Variants in FREM1 observed in about 807,000 individuals in gnomAD.
FREM1 encodes the protein FRAS1 related extracellular matrix 1, also known as FRAS1-related extracellular matrix protein 1.
Under a neutral mutation model 210.1 loss-of-function variants are expected in FREM1, and 220 were observed. The observed-to-expected ratio is 1.05, with a 90% confidence interval of 0.94 to 1.17. The LOEUF (loss-of-function observed/expected upper bound fraction) is 1.17. Ranked by LOEUF, FREM1 falls within the 50% of genes most tolerant of loss-of-function variation. The probability of loss-of-function intolerance (pLI) is 0.00; values close to 1 mark genes in which losing one functional copy is unlikely to be tolerated. For synonymous variants in FREM1, 1,189 were observed against 980.2 expected, an observed-to-expected ratio of 1.21 and a Z score of -3.98; for missense variants, 3,454 against 2,675.5, an observed-to-expected ratio of 1.29 and a Z score of -6.42.
intron 1 of FREM1, among the ~76,000 whole-genome samples, chr9:14,874,220 C>T (rs914366661): frequency 5.9e-5 from 9 of 151,810 alleles, no homozygotes; most frequent in African/African-American, 2.2e-4. Flanking sequence ...TCCTGGGTAC[C>T]CTTGTTAACT....
chr9:14,858,206 T>C (rs1196730941), intron 4 of FREM1, among the ~76,000 whole-genome samples: 1 of 152,202 alleles, frequency 6.6e-6, no homozygotes, highest in Non-Finnish European at 1.5e-5. Flanking sequence ...CAGGTCCACC[T>C]GGTCTTTTTA....
In FREM1 at chr9:14,823,607, T is replaced by A. The variant is rs151207053; in HGVS notation, c.2170-280A>T. Among the ~76,000 whole-genome samples, 4,603 of 148,996 alleles carry A rather than the reference T, an allele frequency of 0.031. 77 individuals are homozygous for A. The highest frequency in any genetic ancestry group is 0.038 in the Non-Finnish European group (2,525 of 66,440). ...TTAAGACTTCTAGCCTCCAGGACTA[T>A]GAGAAAATAAAGCTCATAGTCCTTT... On this transcript the variant is annotated intron_variant, in intron 12 of 36. Coordinates refer to ENST00000380880, the MANE Select transcript of FREM1 (RefSeq NM_001379081.2).
chr9:14,860,728 C>CGCATATAT (rs1829830297), intron 3 of FREM1, among the ~76,000 whole-genome samples: 2 of 105,858 alleles, frequency 1.9e-5, no homozygotes, highest in African/African-American at 5.0e-5. Context: ...CACATATATA[C>CGCATATAT]ACATATATAC....
chr9:14,860,737 A>ACGCATATATATG (rs1829835593), intron 3 of FREM1, among the ~76,000 whole-genome samples: 1 of 117,316 alleles, frequency 8.5e-6, no homozygotes, highest in African/African-American at 3.6e-5. Context: ...ACACATATAT[A>ACGCATATATATG]CACATATATA....
intron 29 of FREM1, among the ~76,000 whole-genome samples, 165 bp downstream of exon 29, chr9:14,756,209 C>T (rs751703490): frequency 9.2e-5 from 14 of 152,048 alleles, no homozygotes; most frequent in Non-Finnish European, 1.5e-4. Context: ...GGCAAAACCT[C>T]AAATCCAAAC....
At chr9:14,787,834 T>C (rs1850651327) in intron 23 of FREM1, among the ~76,000 whole-genome samples, 2 of 152,176 alleles carry the variant, frequency 1.3e-5, no homozygotes, top group Non-Finnish European at 2.9e-5. Flanking sequence ...ACATAGTTGT[T>C]TTGCAGGGAG....
intron 1 of FREM1, among the ~76,000 whole-genome samples, chr9:14,909,695 C>T (rs994390446): frequency 1.3e-5 from 2 of 152,170 alleles, no homozygotes; most frequent in South Asian, 2.1e-4. Flanking sequence ...ATTTGTGTCA[C>T]GTAATAAAAA....
At chr9:14,864,322 A>G (rs902601450) in intron 2 of FREM1, among the ~76,000 whole-genome samples, 1 of 152,166 alleles carries the variant, frequency 6.6e-6, no homozygotes, top group Non-Finnish European at 1.5e-5. Context: ...ACCCACCCAC[A>G]AACACACTGT....
At chr9:14,855,898 T>C (rs1248558437) in intron 5 of FREM1, among the ~76,000 whole-genome samples, 1 of 152,002 alleles carries the variant, frequency 6.6e-6, no homozygotes, top group Non-Finnish European at 1.5e-5. Flanking sequence ...ATGGATATAA[T>C]AAATCATTAA....
At chr9:14,789,167 C>A (rs764361021) in intron 22 of FREM1, 53 bp from the exon 23 acceptor site, 39 of 1,259,304 alleles carry the variant, frequency 3.1e-5, no homozygotes, top group Non-Finnish European at 4.0e-5. Flanking sequence ...TTTCCCCCAA[C>A]GTACGTTAGT....
At chr9:14,793,623 T>C (rs528839163) in intron 21 of FREM1, among the ~76,000 whole-genome samples, 2 of 152,266 alleles carry the variant, frequency 1.3e-5, no homozygotes, top group South Asian at 4.2e-4. Flanking sequence ...GAGAAAGGGA[T>C]CTCTTTCCAC....
At chr9:14,881,627 A>T (rs1397805140) in intron 1 of FREM1, among the ~76,000 whole-genome samples, 1 of 152,210 alleles carries the variant, frequency 6.6e-6, no homozygotes, top group Non-Finnish European at 1.5e-5. Context: ...TTCACTTATG[A>T]TAACTTAGTA....
intron 13 of FREM1, among the ~76,000 whole-genome samples, chr9:14,822,879 T>C (rs1821641020): frequency 6.6e-6 from 1 of 152,118 alleles, no homozygotes; most frequent in African/African-American, 2.4e-5. Flanking sequence ...CACGTGAAAC[T>C]CAGCAGAAAG....
intron 1 of FREM1, among the ~76,000 whole-genome samples, chr9:14,871,410 G>A (rs980188368): frequency 1.3e-5 from 2 of 152,128 alleles, no homozygotes; most frequent in African/African-American, 4.8e-5. Flanking sequence ...GGCCAGTGAT[G>A]GTGAGCATTT....
Position 14,846,006 on chromosome 9 carries a change from C to T in FREM1, c.1347G>A (p.Arg449=), listed in dbSNP as rs761196831. The change falls in exon 8 of 37, where the codon CGG becomes CGA. Residue 449 remains arginine, a synonymous_variant. Transcript: ENST00000380880. ...VVDNDDIGAV[R]LVTVGGLQHG... ...GCTGCAGGCCACCAACGGTGACTAG[C>T]CGGACAGCACCAATGTCGTCATTGT... 9 of 1,612,874 alleles carry T rather than the reference C, an allele frequency of 5.6e-6. No homozygotes were observed. The highest frequency in any genetic ancestry group is 1.3e-5 in the African/African-American group (1 of 75,064).
At chr9:14,851,666 C>T (rs546710386) in intron 5 of FREM1, 59 bp from the exon 6 acceptor site, 12 of 1,241,196 alleles carry the variant, frequency 9.7e-6, no homozygotes, top group Non-Finnish European at 1.4e-5. Flanking sequence ...TGATATCATA[C>T]AGGGCTAATA....
intron 35 of FREM1, among the ~76,000 whole-genome samples, chr9:14,742,970 C>T (rs1241411946): frequency 5.3e-5 from 8 of 152,042 alleles, no homozygotes; most frequent in Non-Finnish European, 7.4e-5. Flanking sequence ...CAAGTGATTT[C>T]GCTTCCTTGA....
In FREM1 at chr9:14,792,838, T is replaced by G. The variant is rs1487437423; in HGVS notation, c.3886A>C (p.Ser1296Arg). The change falls in exon 22 of 37, where the codon AGT becomes CGT. Residue 1296 changes from serine (S) to arginine (R), a missense_variant. Ser to Arg is a moderately radical substitution (Grantham distance 110, BLOSUM62 -1). Coordinates refer to ENST00000380880, the MANE Select transcript of FREM1 (RefSeq NM_001379081.2). The stretch of plus-strand genomic sequence containing the variant: ...TCATCTATGGCTGAAAGAATAGCAC[T>G]GGAAATAATACGAGTTTCACCCATA... ...MNMGETRIIS[S>R]AILSAIDEDS... The G allele has an allele frequency of 1.9e-6, 3 of 1,599,808 alleles. No homozygotes were observed. Among genetic ancestry groups the G allele is most frequent in the Non-Finnish European group, 2.6e-6 (3 of 1,171,774 alleles).
chr9:14,903,229 T>C (rs1385115654), intron 1 of FREM1, among the ~76,000 whole-genome samples: 1 of 152,214 alleles, frequency 6.6e-6, no homozygotes, highest in East Asian at 1.9e-4. Context: ...GCCACAGTCA[T>C]TCATGAGACC....
Sources: gnomAD v4.1 joint callset for allele counts (sites outside exome capture counted in the v4.1 genomes callset) on GRCh38, gnomAD v4.1.1 for gene constraint, MANE v1.5 for transcripts, NCBI Gene and HGNC (gene_info 2026-07-23, HGNC 2026-07-21) for gene names.